The following ATXN7 variants were observed in gnomAD, a reference collection of about 807,000 sequenced individuals.
ATXN7 encodes ataxin 7.
Under a neutral mutation model 70.5 loss-of-function variants are expected in ATXN7, and 12 were observed. The observed-to-expected ratio is 0.17, with a 90% CI of 0.11 to 0.28. The LOEUF is 0.28. Among genes scored for constraint, ATXN7 ranks in the 10% least tolerant of loss-of-function variants. The pLI is 1.00. For synonymous variants in ATXN7, 498 were observed against 448.7 expected, an observed-to-expected ratio of 1.11 and a Z score of -1.39; for missense variants, 1,256 against 1,131.7, an observed-to-expected ratio of 1.11 and a Z score of -1.58.
intron 12 of ATXN7, chr3:63,997,789 C>G: frequency 6.7e-7 from 1 of 1,496,518 alleles, no homozygotes; most frequent in Non-Finnish European, 8.9e-7. Context: ...CAAGAAGTTT[C>G]TTAGTATTTT....
chr3:63,973,237 A>G (rs555392695), intron 5 of ATXN7, among the ~76,000 whole-genome samples: 6 of 152,280 alleles, frequency 3.9e-5, no homozygotes, highest in African/African-American at 7.2e-5. Flanking sequence ...TTTGGATTCT[A>G]TTCAGGCTGA....
At position 63,953,158 on chromosome 3, in the gene ATXN7, A is replaced by G. The variant is rs990699633; in HGVS notation, c.499+675A>G. Among the ~76,000 whole-genome samples the G allele has an allele frequency of 3.3e-5, 5 of 152,170 alleles. No individual in the cohort carries two copies. The South Asian group carries it at 6.2e-4, about 19-fold the overall frequency. Reference sequence around the variant, plus strand: ...AACTAGATATACTTTAAAAATAACTATAAGTTTTTTCCTCATTGCTCTTAC... The same window carrying G: ...AACTAGATATACTTTAAAAATAACTGTAAGTTTTTTCCTCATTGCTCTTAC... On this transcript the variant is annotated intron_variant, in intron 5 of 12. Coordinates refer to ENST00000674280, the MANE Select transcript of ATXN7 (RefSeq NM_001377405.1).
intron 5 of ATXN7, among the ~76,000 whole-genome samples, chr3:63,967,321 C>G (rs1286840188): frequency 1.3e-5 from 2 of 152,150 alleles, no homozygotes; most frequent in African/African-American, 4.8e-5. Flanking sequence ...CAAATATGCA[C>G]AGAAAGTGGG....
intron 2 of ATXN7, among the ~76,000 whole-genome samples, chr3:63,899,412 T>G (rs569819857): frequency 6.6e-6 from 1 of 152,164 alleles, no homozygotes; most frequent in South Asian, 2.1e-4. Flanking sequence ...TTTACTGTTT[T>G]GGGAGGATAG....
intron 4 of ATXN7, among the ~76,000 whole-genome samples, chr3:63,932,792 A>G (rs1342860163): frequency 6.6e-6 from 1 of 152,152 alleles, no homozygotes; most frequent in South Asian, 2.1e-4. Flanking sequence ...TAGTTCTTCC[A>G]GGCAGCTTCC....
chr3:63,877,570 A>G (rs1372990177), intron 1 of ATXN7, among the ~76,000 whole-genome samples: 1 of 152,200 alleles, frequency 6.6e-6, no homozygotes, highest in Non-Finnish European at 1.5e-5. Context: ...ATCTTTTCTT[A>G]GACAACTGTC....
chr3:63,931,352 A>G (rs1704952239), intron 4 of ATXN7, among the ~76,000 whole-genome samples: 2 of 152,234 alleles, frequency 1.3e-5, no homozygotes, highest in South Asian at 4.1e-4. Flanking sequence ...AAGCTTAATT[A>G]CCCCAAGTTG....
At chr3:63,875,692 G>C (rs572530849) in intron 1 of ATXN7, among the ~76,000 whole-genome samples, 6 of 152,138 alleles carry the variant, frequency 3.9e-5, no homozygotes, top group Admixed American at 3.3e-4. Flanking sequence ...TCAGCCCCTG[G>C]ACTCTTCTTT....
chr3:63,968,054 A>G (rs1399369483), intron 5 of ATXN7: 9 of 1,174,564 alleles, frequency 7.7e-6, no homozygotes, highest in East Asian at 2.6e-5. Context: ...ACGGTGGGGT[A>G]GGTCTTTGCT....
Position 63,986,796 on chromosome 3 carries a change from C to T in ATXN7, c.1096-1263C>T, listed in dbSNP as rs186095375. ...AAGGAGGTGGGTTGTGTTATTCAAC[C>T]GAAAATGGTAGTTAGAAGCATAATT... On this transcript the variant is annotated intron_variant, in intron 8 of 12. Transcript: ENST00000674280. Among the ~76,000 whole-genome samples, 91 of 152,186 alleles carry T rather than the reference C, an allele frequency of 6.0e-4. No homozygotes were observed. In the Middle Eastern group the frequency reaches 0.031, roughly 51 times the overall value.
chr3:63,964,485 T>C (rs780473860), intron 5 of ATXN7, among the ~76,000 whole-genome samples: 11 of 152,212 alleles, frequency 7.2e-5, no homozygotes, highest in Non-Finnish European at 1.3e-4. Flanking sequence ...TTTCAAATAA[T>C]GACTGGGCTG....
At chr3:63,988,984 A>C (rs1359827656) in intron 9 of ATXN7, among the ~76,000 whole-genome samples, 1 of 152,182 alleles carries the variant, frequency 6.6e-6, no homozygotes, top group Non-Finnish European at 1.5e-5. Context: ...GAGGGGCTTC[A>C]GTGTTGGCCG....
intron 1 of ATXN7, chr3:63,873,647 G>A (rs1408468083): frequency 6.6e-6 from 1 of 152,142 alleles, no homozygotes; most frequent in Non-Finnish European, 1.5e-5. Flanking sequence ...ACATATAAGC[G>A]ACACCATAAT....
chr3:63,990,436 G>A, intron 10 of ATXN7, 62 bp downstream of exon 10: 1 of 1,585,944 alleles, frequency 6.3e-7, no homozygotes, highest in Non-Finnish European at 8.6e-7. Context: ...GGCACTGCAG[G>A]GGGGCGCGCC....
intron 12 of ATXN7, chr3:63,997,571 C>G: frequency 6.7e-6 from 10 of 1,499,676 alleles, no homozygotes; most frequent in Non-Finnish European, 9.1e-6. Flanking sequence ...TTCCAGCTTC[C>G]TTTGCTCTAA....
chr3:63,925,644 C>T (rs1704687723), intron 4 of ATXN7, among the ~76,000 whole-genome samples: 1 of 152,136 alleles, frequency 6.6e-6, no homozygotes, highest in Non-Finnish European at 1.5e-5. Context: ...TTCCCAGCAC[C>T]CTTAGAAGAA....
chr3:63,863,788 C>G, upstream of ATXN7: 2 of 1,251,630 alleles, frequency 1.6e-6, no homozygotes, highest in Non-Finnish European at 2.0e-6. Flanking sequence ...TCACGGCTCC[C>G]ATGGCGTGCG....
chr3:63,948,487 A>G (rs1481286417), intron 4 of ATXN7, among the ~76,000 whole-genome samples: 2 of 151,998 alleles, frequency 1.3e-5, no homozygotes, highest in African/African-American at 4.8e-5. Flanking sequence ...GGAGATAGAA[A>G]CTTGTGAGTG....
At chr3:63,901,626 A>G (rs753258163) in intron 2 of ATXN7, 2 of 152,056 alleles carry the variant, frequency 1.3e-5, no homozygotes, top group African/African-American at 2.4e-5. Flanking sequence ...GGGTCTCGCT[A>G]TGTGTCCTAG....
Sources: allele counts gnomAD v4.1 joint callset (sites outside exome capture counted in the v4.1 genomes callset), GRCh38; gene constraint gnomAD v4.1.1; transcripts MANE v1.5; gene names NCBI Gene and HGNC (gene_info 2026-07-23, HGNC 2026-07-21).